The following CLEC1A variants were observed in gnomAD, a reference collection of about 807,000 sequenced individuals.
The protein encoded by CLEC1A is C-type lectin domain family 1 member A, also known as C-type lectin-like receptor-1.
A neutral mutation model predicts 28.7 loss-of-function variants in CLEC1A; 34 were observed. The ratio of observed to expected loss-of-function variants is 1.18; its 90% confidence interval spans 0.90 to 1.57. The LOEUF (loss-of-function observed/expected upper bound fraction) is 1.57, where lower values mean the gene tolerates loss of function less well. Among genes scored for constraint, CLEC1A ranks in the 40% most tolerant of loss-of-function variants. The pLI, the probability that CLEC1A is intolerant of heterozygous loss-of-function variation, is 0.00. For synonymous variants in CLEC1A, 116 were observed against 121.0 expected (o/e 0.96, Z 0.27); for missense variants, 385 against 339.5 (o/e 1.13, Z -1.05).
chr12:10,081,382 A>C lies in CLEC1A; in HGVS notation c.246T>G (p.Gly82=), dbSNP rs757053280. ...CTTCCATTTGAGAAATGGTGTCTTG[A>C]CCAGTATTGGAGAGCTGGTAGTACT... ...FFQYYQLSNT[G]QDTISQMEER... is the part of the protein sequence containing the mutation. The change falls in exon 3 of 6, where the codon GGT becomes GGG. Residue 82 remains glycine (G), a synonymous_variant. Coordinates refer to ENST00000315330, the MANE Select transcript of CLEC1A (RefSeq NM_016511.4). 1 of 1,612,202 alleles carries C rather than the reference A, an allele frequency of 6.2e-7. No individual in the cohort carries two copies. Among genetic ancestry groups the C allele is most frequent in the Non-Finnish European group, 8.5e-7 (1 of 1,179,178 alleles).
At chr12:10,082,853 T>G (rs1337286143) in intron 2 of CLEC1A, among the ~76,000 whole-genome samples, 1 of 152,154 alleles carries the variant, frequency 6.6e-6, no homozygotes. Flanking sequence ...AGGTCCTGAG[T>G]GCATCCATCT....
chr12:10,085,900 C>A (rs965749564), intron 2 of CLEC1A, among the ~76,000 whole-genome samples: 7 of 152,120 alleles, frequency 4.6e-5, no homozygotes, highest in African/African-American at 1.7e-4. Flanking sequence ...TTTATGAGCA[C>A]ATGTAACATT....
intron 1 of CLEC1A, among the ~76,000 whole-genome samples, chr12:10,095,242 T>A (rs1292554616): frequency 6.6e-6 from 1 of 152,214 alleles, no homozygotes; most frequent in African/African-American, 2.4e-5. Flanking sequence ...TCAATAGTAC[T>A]GTAATTAATG....
chr12:10,085,616 T>C (rs1386416294), intron 2 of CLEC1A, among the ~76,000 whole-genome samples: 1 of 148,782 alleles, frequency 6.7e-6, no homozygotes, highest in Non-Finnish European at 1.5e-5. Flanking sequence ...AACAGGAAAG[T>C]ATCACAACCC....
rs1866100451 is a variant in CLEC1A at position 10,070,388 on chromosome 12, A to G, written c.*945T>C. On this transcript the variant is annotated 3_prime_UTR_variant, in exon 6 of 6. Transcript: ENST00000315330. ...ATTCCCCAAAAACTTTCAGTAAGGCACAATCAAAATAATGACCGCTATCAT... is the reference window on the plus strand; with the variant it reads ...ATTCCCCAAAAACTTTCAGTAAGGCGCAATCAAAATAATGACCGCTATCAT... 6.6e-6 allele frequency: 1 copy of G among 152,268 alleles called. No homozygotes were observed. Among genetic ancestry groups the G allele is most frequent in the African/African-American group, 2.4e-5 (1 of 41,472 alleles). 9.4% of individuals were successfully genotyped at this position (152,268 alleles called of 1,614,324 possible).
Position 10,075,439 on chromosome 12 carries a change from T to C in CLEC1A, c.543+65A>G. 2.0e-6 allele frequency: 3 copies of C among 1,538,096 alleles called. No individual in the cohort carries two copies. In the Middle Eastern group the frequency reaches 5.3e-4, roughly 274 times the overall value. On this transcript the variant is annotated intron_variant, in intron 4 of 5. Transcript: ENST00000315330. ...GATATTCTTGATCCTTAGAGTCTTC[T>C]TGCCTAATGCTTTTAAGGCCTCTTT...
At chr12:10,093,867 A>G (rs1329513495) in intron 1 of CLEC1A, among the ~76,000 whole-genome samples, 2 of 152,130 alleles carry the variant, frequency 1.3e-5, no homozygotes, top group African/African-American at 2.4e-5. Context: ...TATGGCACAT[A>G]GGAAACTTCC....
rs1866119593 is a variant in CLEC1A at position 10,071,224 on chromosome 12, A to C, written c.*109T>G. 2 of 1,038,092 alleles carry C rather than the reference A, an allele frequency of 1.9e-6. No individual in the cohort carries two copies. The highest frequency in any genetic ancestry group is 2.8e-6 in the Non-Finnish European group (2 of 708,386). 64.3% of individuals were successfully genotyped at this position (1,038,092 alleles called of 1,614,324 possible). A position where few individuals can be genotyped will look rare whatever the true frequency, so the allele number is the denominator to read the frequency against. Reference sequence around the variant, plus strand: ...GAAACACGAGAACCCATTTTGTACTAGTCAGAGAGATAGTCTTTCCTGATT... The same window carrying C: ...GAAACACGAGAACCCATTTTGTACTCGTCAGAGAGATAGTCTTTCCTGATT... On this transcript the variant is annotated 3_prime_UTR_variant, in exon 6 of 6. Transcript: ENST00000315330.
In CLEC1A at chr12:10,097,915, T is replaced by TAAAAAAAAAAAAAAAAA. The variant is rs11453815; in HGVS notation, c.115+892_115+893insTTTTTTTTTTTTTTTTT. On this transcript the variant is annotated intron_variant, in intron 1 of 5. Transcript: ENST00000315330. ...TTAACAGCTTACTGGGTAGTTTAGT[T>TAAAAAAAAAAAAAAAAA]AAAAAAAAAAAAAGCCATATTAGTA... Among the ~76,000 whole-genome samples the TAAAAAAAAAAAAAAAAA allele has an allele frequency of 5.9e-5, 7 of 117,878 alleles. 3 individuals carry two copies. The highest frequency in any genetic ancestry group is 5.2e-5 in the Non-Finnish European group (3 of 57,684). The allele number at this position is 117,878 out of a possible 152,430, so 77.3% of individuals were successfully genotyped here.
chr12:10,073,919 T>C (rs1362208608), intron 4 of CLEC1A, among the ~76,000 whole-genome samples: 1 of 152,246 alleles, frequency 6.6e-6, no homozygotes, highest in Non-Finnish European at 1.5e-5. Context: ...TTTCTATCTA[T>C]AAATATTTAT....
chr12:10,083,435 A>ATT (rs1866411593), intron 2 of CLEC1A, among the ~76,000 whole-genome samples: 1 of 152,236 alleles, frequency 6.6e-6, no homozygotes, highest in African/African-American at 2.4e-5. Flanking sequence ...ATACCAGAGA[A>ATT]AAGTGAAAAC....
intron 1 of CLEC1A, 82 bp downstream of exon 1, chr12:10,098,726 T>C: frequency 1.2e-6 from 1 of 820,656 alleles, no homozygotes; most frequent in Non-Finnish European, 1.9e-6. Context: ...GCAAGCTAAA[T>C]ATCTCCATTT....
chr12:10,081,279 C>A lies in CLEC1A; in HGVS notation c.349G>T (p.Val117Leu). The A allele has an allele frequency of 6.2e-7, 1 of 1,611,372 alleles. No homozygotes were observed. The highest frequency in any genetic ancestry group is 8.5e-7 in the Non-Finnish European group (1 of 1,178,660). ...AGCTCACGACAGAGTTTTTCAGCCA[C>A]ATGCTGCAGACTTCCTGCAAGCTTT... is the stretch of plus-strand genomic sequence containing the variant. The part of the protein sequence containing the change: ...NIKLAGSLQH[V>L]AEKLCRELYN... The change falls in exon 3 of 6, where the codon GTG (valine) becomes TTG (leucine). Residue 117 changes from valine (V) to leucine (L), a missense_variant. Val to Leu is a conservative substitution (Grantham distance 32). Coordinates refer to ENST00000315330, the MANE Select transcript of CLEC1A (RefSeq NM_016511.4).
intron 1 of CLEC1A, among the ~76,000 whole-genome samples, chr12:10,093,090 C>T (rs1947727876): frequency 6.6e-6 from 1 of 152,058 alleles, no homozygotes. Context: ...ATTTTTCCTT[C>T]TAGATGTTTT....
chr12:10,084,806 A>C (rs1866447971), intron 2 of CLEC1A, among the ~76,000 whole-genome samples: 1 of 130,568 alleles, frequency 7.7e-6, no homozygotes, highest in Non-Finnish European at 1.6e-5. Context: ...TAGGCGACAG[A>C]GTGAGACTCT....
rs147193444 is a variant in CLEC1A at position 10,075,413 on chromosome 12, C to T, written c.543+91G>A. 8,436 of 1,383,094 alleles carry T rather than the reference C, an allele frequency of 6.1e-3. 34 individuals are homozygous for T. The highest frequency in any genetic ancestry group is 0.022 in the Middle Eastern group (102 of 4,546). 85.7% of individuals were successfully genotyped at this position (1,383,094 alleles called of 1,614,324 possible). A position where few individuals can be genotyped will look rare whatever the true frequency, so the allele number is the denominator to read the frequency against. ...GAAACAGGTTCGAAAACCTGTGGAC[C>T]GATATTCTTGATCCTTAGAGTCTTC... On this transcript the variant is annotated intron_variant, in intron 4 of 5. Coordinates refer to ENST00000315330, the MANE Select transcript of CLEC1A (RefSeq NM_016511.4).
At position 10,083,842 on chromosome 12, in the gene CLEC1A, G is replaced by GA. The variant is rs565733957; in HGVS notation, c.215-2430dup. On this transcript the variant is annotated intron_variant, in intron 2 of 5. Coordinates refer to ENST00000315330, the MANE Select transcript of CLEC1A (RefSeq NM_016511.4). ...TATCCAGAGAAATAAATATCGTAAA[G>GA]AAAAAACAATCACAACTTCTGGAAA... 2.6e-4 allele frequency among the ~76,000 whole-genome samples: 39 copies of GA among 152,032 alleles called. No individual in the cohort carries two copies. The East Asian group carries it at 7.2e-3, about 28-fold the overall frequency.
chr12:10,083,350 G>A (rs1360343461), intron 2 of CLEC1A, among the ~76,000 whole-genome samples: 3 of 152,212 alleles, frequency 2.0e-5, no homozygotes, highest in Non-Finnish European at 2.9e-5. Context: ...CCCAGCAATG[G>A]ATTCAAACCA....
chr12:10,084,776 C>G (rs540025331), intron 2 of CLEC1A, among the ~76,000 whole-genome samples: 1 of 143,396 alleles, frequency 7.0e-6, no homozygotes, highest in African/African-American at 2.6e-5. Context: ...GAACCGAGAT[C>G]GCGCCACTGC....
Sources: gnomAD v4.1 joint callset for allele counts (sites outside exome capture counted in the v4.1 genomes callset) on GRCh38, gnomAD v4.1.1 for gene constraint, MANE v1.5 for transcripts, NCBI Gene and HGNC (gene_info 2026-07-23, HGNC 2026-07-21) for gene names.